RBX1: variants seen among roughly 807,000 people sequenced by gnomAD.
The protein encoded by RBX1 is ring-box 1.
For missense variants in RBX1, 46 were observed against 141.4 expected (o/e 0.33, Z 3.42); for synonymous variants, 48 against 47.9 (o/e 1.00, Z -0.01).
intron 2 of RBX1, among the ~76,000 whole-genome samples, chr22:40,956,053 A>C (rs1311827362): frequency 6.6e-6 from 1 of 151,804 alleles, no homozygotes; most frequent in East Asian, 2.0e-4. Context: ...TAATGATTTT[A>C]TATAACCCTG....
chr22:40,954,336 TAAG>T (rs1295864932), intron 2 of RBX1, among the ~76,000 whole-genome samples: 1 of 118,532 alleles, frequency 8.4e-6, no homozygotes. Context: ...AAAGAAGCGT[TAAG>T]GAGTGAGGAT....
At chr22:40,965,908 T>A (rs935698979) in intron 3 of RBX1, among the ~76,000 whole-genome samples, 1 of 152,176 alleles carries the variant, frequency 6.6e-6, no homozygotes, top group Non-Finnish European at 1.5e-5. Flanking sequence ...CTAAGAACCA[T>A]GTTCCTTTAT....
At chr22:40,962,676 A>AT (rs1437580623) in intron 2 of RBX1, among the ~76,000 whole-genome samples, 4 of 135,862 alleles carry the variant, frequency 2.9e-5, no homozygotes, top group Admixed American at 7.3e-5. Context: ...ATTTTTATTT[A>AT]TTTTTTTATT....
At chr22:40,969,200 C>T (rs1378962052) in intron 4 of RBX1, among the ~76,000 whole-genome samples, 1 of 152,008 alleles carries the variant, frequency 6.6e-6, no homozygotes, top group Non-Finnish European at 1.5e-5. Context: ...GTAATCCCAG[C>T]TACTTGGGAG....
At chr22:40,952,109 T>C (rs2058312738) in intron 1 of RBX1, among the ~76,000 whole-genome samples, 1 of 152,122 alleles carries the variant, frequency 6.6e-6, no homozygotes, top group East Asian at 1.9e-4. Flanking sequence ...GGGTTCTCTG[T>C]CACGTCCAGA....
intron 4 of RBX1, among the ~76,000 whole-genome samples, chr22:40,970,960 T>C (rs952901040): frequency 1.3e-5 from 2 of 152,194 alleles, no homozygotes; most frequent in South Asian, 2.1e-4. Flanking sequence ...GTGTAAAATA[T>C]AAAAACATTT....
chr22:40,968,963 T>G (rs1396899186), intron 4 of RBX1, among the ~76,000 whole-genome samples: 1 of 152,154 alleles, frequency 6.6e-6, no homozygotes, highest in Non-Finnish European at 1.5e-5. Context: ...ACCTTAACTT[T>G]TTTCTTTTCT....
At chr22:40,971,892 T>G (rs781589452) in intron 4 of RBX1, among the ~76,000 whole-genome samples, 13 of 152,158 alleles carry the variant, frequency 8.5e-5, no homozygotes, top group Non-Finnish European at 4.4e-5. Context: ...GAGCCAAATT[T>G]TGGTTTCTGG....
At chr22:40,956,170 C>G (rs1415831311) in intron 2 of RBX1, among the ~76,000 whole-genome samples, 2 of 152,072 alleles carry the variant, frequency 1.3e-5, no homozygotes, top group South Asian at 4.2e-4. Flanking sequence ...ATTGTCTTCT[C>G]TTAGAGTGAA....
Position 40,958,196 on chromosome 22 carries a change from G to A in RBX1, c.157+4563G>A, listed in dbSNP as rs151076744. ...GCTTGTCTTGAACTCCTGGACTCAA[G>A]CAATCCTCCTGCCTTGCCCTTCCAA... On this transcript the variant is annotated intron_variant, in intron 2 of 4. Transcript: ENST00000216225. 5.1e-3 allele frequency among the ~76,000 whole-genome samples: 771 copies of A among 151,780 alleles called. 3 individuals are homozygous for A. Among genetic ancestry groups the A allele is most frequent in the African/African-American group, 0.017 (722 of 41,356 alleles).
chr22:40,962,195 G>A (rs2058342606), intron 2 of RBX1, among the ~76,000 whole-genome samples: 1 of 151,912 alleles, frequency 6.6e-6, no homozygotes, highest in Non-Finnish European at 1.5e-5. Flanking sequence ...TCTGCCCCTT[G>A]GGTTCAAGCA....
At position 40,967,968 on chromosome 22, in the gene RBX1, T is replaced by C. The variant is rs576001022; in HGVS notation, c.314+84T>C. 3 of 869,356 alleles carry C rather than the reference T, an allele frequency of 3.5e-6. No homozygotes were observed. The Admixed American group carries it at 6.0e-5, about 18-fold the overall frequency. The allele number at this position is 869,356 out of a possible 1,614,324, so 53.9% of individuals were successfully genotyped here. On this transcript the variant is annotated intron_variant, in intron 4 of 4. Coordinates refer to ENST00000216225, the MANE Select transcript of RBX1 (RefSeq NM_014248.4). ...GTGGTCTTGGGGGATGGAGACATGA[T>C]ACATGCCTTGTTTTTTTTAAAACTA...
At chr22:40,970,300 G>A (rs2058365494) in intron 4 of RBX1, among the ~76,000 whole-genome samples, 1 of 150,222 alleles carries the variant, frequency 6.7e-6, no homozygotes. Flanking sequence ...AGGTTTCAGT[G>A]AGCTGAGATC....
At chr22:40,957,416 C>T (rs773589658) in intron 2 of RBX1, among the ~76,000 whole-genome samples, 2 of 151,834 alleles carry the variant, frequency 1.3e-5, no homozygotes, top group Non-Finnish European at 1.5e-5. Context: ...GTGGCTGAGG[C>T]GGGCAGATCG....
In RBX1 at chr22:40,972,799, C is replaced by T. The variant is rs1209277223; in HGVS notation, c.*311C>T. Reference sequence around the variant, plus strand: ...GAGCAGGGTTGTCCTCTGAGCGCATCACTTAGTGACGAGGAATCCAACAGC... The same window carrying T: ...GAGCAGGGTTGTCCTCTGAGCGCATTACTTAGTGACGAGGAATCCAACAGC... On this transcript the variant is annotated 3_prime_UTR_variant, in exon 5 of 5. Transcript: ENST00000216225. 8.0e-6 allele frequency: 2 copies of T among 250,694 alleles called. No individual in the cohort carries two copies. Among genetic ancestry groups the T allele is most frequent in the East Asian group, 1.7e-4 (2 of 12,106 alleles). 15.5% of individuals were successfully genotyped at this position (250,694 alleles called of 1,614,324 possible). A position where few individuals can be genotyped will look rare whatever the true frequency, so the allele number is the denominator to read the frequency against.
intron 1 of RBX1, among the ~76,000 whole-genome samples, chr22:40,952,645 AATT>A (rs2058314472): frequency 6.6e-6 from 1 of 152,244 alleles, no homozygotes; most frequent in African/African-American, 2.4e-5. Flanking sequence ...CTCTTACTGG[AATT>A]ATTATCTTAA....
intron 2 of RBX1, among the ~76,000 whole-genome samples, chr22:40,961,254 A>G (rs1188887971): frequency 6.7e-6 from 1 of 150,032 alleles, no homozygotes; most frequent in Admixed American, 6.6e-5. Context: ...CAACTGGCTA[A>G]TTTTTTTATT....
intron 2 of RBX1, among the ~76,000 whole-genome samples, chr22:40,957,866 C>T (rs139446058): frequency 6.6e-6 from 1 of 151,896 alleles, no homozygotes; most frequent in Non-Finnish European, 1.5e-5. Context: ...CACACTGTCA[C>T]CCAGCTGGAG....
chr22:40,968,504 A>G (rs1008555652), intron 4 of RBX1, among the ~76,000 whole-genome samples: 3 of 152,212 alleles, frequency 2.0e-5, no homozygotes, highest in Non-Finnish European at 2.9e-5. Context: ...AATGTCAGGT[A>G]GCTTTGGGCT....
Sources: gnomAD v4.1 joint callset for allele counts (sites outside exome capture counted in the v4.1 genomes callset) on GRCh38, gnomAD v4.1.1 for gene constraint, MANE v1.5 for transcripts, NCBI Gene and HGNC (gene_info 2026-07-23, HGNC 2026-07-21) for gene names.